ARHGAP8: variants seen among roughly 807,000 people sequenced by gnomAD.
ARHGAP8 encodes the protein Rho GTPase activating protein 8.
ARHGAP8 carries 62 observed loss-of-function variants against 46.1 expected under a neutral mutation model. That is an observed-to-expected ratio of 1.34 (90% CI 1.10 to 1.66). The LOEUF (loss-of-function observed/expected upper bound fraction) is 1.66, where lower values mean the gene tolerates loss of function less well. ARHGAP8 is among the 40% of genes most tolerant of loss of function. The pLI is 0.00. For missense variants in ARHGAP8, 923 were observed against 568.4 expected (o/e 1.62, Z -6.34); for synonymous variants, 375 against 243.1 (o/e 1.54, Z -5.05).
At chr22:44,789,630 C>T (rs916189493) in intron 2 of ARHGAP8, among the ~76,000 whole-genome samples, 6 of 152,030 alleles carry the variant, frequency 3.9e-5, no homozygotes, top group Non-Finnish European at 8.8e-5. Context: ...TCTTATGTAG[C>T]TGGGACTACA....
intron 1 of ARHGAP8, among the ~76,000 whole-genome samples, chr22:44,782,943 T>C (rs11705445): frequency 0.92 from 139,305 of 152,168 alleles, 63,910 homozygotes; most frequent in Non-Finnish European, 0.94. Flanking sequence ...AGGCCTCCAC[T>C]TGTGCAGTGA....
At chr22:44,766,572 A>G (rs1230337060) in intron 1 of ARHGAP8, among the ~76,000 whole-genome samples, 2 of 151,854 alleles carry the variant, frequency 1.3e-5, no homozygotes, top group Non-Finnish European at 2.9e-5. Context: ...GTCTGGGTGC[A>G]TGTATGTGCA....
intron 1 of ARHGAP8, among the ~76,000 whole-genome samples, chr22:44,769,511 T>G (rs1239776034): frequency 5.3e-5 from 8 of 152,248 alleles, no homozygotes; most frequent in Admixed American, 5.2e-4. Flanking sequence ...GGATTTTGAT[T>G]GGGATTGTGT....
At position 44,775,120 on chromosome 22, in the gene ARHGAP8, C is replaced by T. The variant is rs148023817; in HGVS notation, c.-71-11337C>T. ...GTGCTGGGATTATAGGCACGAGCCA[C>T]GGTGTGCAGCCTTGGGGAATATTTT... On this transcript the variant is annotated intron_variant, in intron 1 of 11. Transcript: ENST00000356099. Among the ~76,000 whole-genome samples the T allele has an allele frequency of 2.4e-3, 365 of 152,326 alleles. 1 individual carries two copies. The highest frequency in any genetic ancestry group is 8.3e-3 in the African/African-American group (345 of 41,574).
chr22:44,798,651 A>G (rs4823258), intron 2 of ARHGAP8, among the ~76,000 whole-genome samples: 41,257 of 151,626 alleles, frequency 0.27, 6,679 homozygotes, highest in African/African-American at 0.45. Flanking sequence ...CCTCAAGATC[A>G]GCGCTGCCCA....
At chr22:44,857,735 C>A (rs2070270825) in intron 10 of ARHGAP8, among the ~76,000 whole-genome samples, 1 of 152,164 alleles carries the variant, frequency 6.6e-6, no homozygotes, top group Non-Finnish European at 1.5e-5. Context: ...GTCAGAGAGT[C>A]CTCGAGGCCC....
At chr22:44,861,934 A>G (rs955026414) in intron 11 of ARHGAP8, among the ~76,000 whole-genome samples, 2 of 151,996 alleles carry the variant, frequency 1.3e-5, no homozygotes, top group Admixed American at 6.6e-5. Flanking sequence ...GAGGCCAGAG[A>G]GGTCACCAAG....
At chr22:44,858,954 T>G (rs1276270970) in intron 10 of ARHGAP8, among the ~76,000 whole-genome samples, 1 of 151,842 alleles carries the variant, frequency 6.6e-6, no homozygotes, top group East Asian at 1.9e-4. Flanking sequence ...AGCTCTGCCC[T>G]GATGAGGCAA....
intron 2 of ARHGAP8, among the ~76,000 whole-genome samples, chr22:44,796,993 C>A (rs945534318): frequency 6.6e-6 from 1 of 152,168 alleles, no homozygotes; most frequent in Non-Finnish European, 1.5e-5. Context: ...AGGGCTCCCA[C>A]GGTTCTTGTG....
rs548683122 is a variant in ARHGAP8, at chr22:44,862,302, A to C, written c.1009A>C (p.Met337Leu). Residue 337 changes from methionine (M) to leucine (L), a missense_variant, in exon 12 of 12, where the codon ATG becomes CTG. Physicochemically the swap from Met to Leu is conservative, Grantham distance 15. Coordinates refer to ENST00000356099, the MANE Select transcript of ARHGAP8 (RefSeq NM_181335.3). The stretch of plus-strand genomic sequence containing the variant: ...GTCCCGGGAGAGCATCTTCAACAAA[A>C]TGAACAGCTCTAACCTGGCCTGTGT... ...AVSRESIFNK[M>L]NSSNLACVFG... 1 of 1,599,526 alleles carries C rather than the reference A, an allele frequency of 6.3e-7. No homozygotes were observed. The highest frequency in any genetic ancestry group is 1.1e-5 in the South Asian group (1 of 90,542).
chr22:44,807,744 TG>T (rs1254890738), intron 3 of ARHGAP8, among the ~76,000 whole-genome samples: 1 of 152,184 alleles, frequency 6.6e-6, no homozygotes, highest in East Asian at 1.9e-4. Context: ...CCGTGCTCCC[TG>T]GGAAGGGAGA....
rs770913517 is a variant in ARHGAP8 at position 44,862,608 on chromosome 22, T to C, written c.*13T>C. ...AAGACGTCTCTAGTGTTGCGAACAC[T>C]CTGTATATTTCGAGCTACCTCCCAC... On this transcript the variant is annotated 3_prime_UTR_variant, in exon 12 of 12. Coordinates refer to ENST00000356099, the MANE Select transcript of ARHGAP8 (RefSeq NM_181335.3). The C allele has an allele frequency of 1.3e-6, 2 of 1,532,058 alleles. No homozygotes were observed. The highest frequency in any genetic ancestry group is 1.3e-5 in the South Asian group (1 of 78,550). 94.9% of individuals were successfully genotyped at this position (1,532,058 alleles called of 1,614,324 possible).
chr22:44,755,984 G>T (rs1049536674), intron 1 of ARHGAP8, among the ~76,000 whole-genome samples: 1 of 152,186 alleles, frequency 6.6e-6, no homozygotes, highest in Admixed American at 6.5e-5. Flanking sequence ...CATGAGAAGC[G>T]CAGGTGTTCC....
intron 7 of ARHGAP8, among the ~76,000 whole-genome samples, chr22:44,828,437 TTTTTTTTTTTTTTGAGACAA>T (rs1930690800): frequency 6.6e-6 from 1 of 150,688 alleles, no homozygotes. Flanking sequence ...TTTTTTTTTT[TTTTTTTTTTTTTTGAGACAA>T]TTTTTTTTTT....
chr22:44,851,748 G>C (rs1467404605), intron 10 of ARHGAP8, among the ~76,000 whole-genome samples: 1 of 152,082 alleles, frequency 6.6e-6, no homozygotes, highest in Non-Finnish European at 1.5e-5. Context: ...GCTGAGGTGG[G>C]AGATCACCTG....
intron 8 of ARHGAP8, among the ~76,000 whole-genome samples, chr22:44,846,308 G>T (rs2069954122): frequency 6.6e-6 from 1 of 152,236 alleles, no homozygotes; most frequent in Non-Finnish European, 1.5e-5. Flanking sequence ...CCTCTTTGGA[G>T]CAGGCCAGGT....
intron 3 of ARHGAP8, among the ~76,000 whole-genome samples, chr22:44,805,487 CT>C (rs1569154255): frequency 2.0e-5 from 3 of 152,226 alleles, no homozygotes; most frequent in South Asian, 4.1e-4. Context: ...AAAAGCACCC[CT>C]GACAACAAAT....
At chr22:44,769,975 G>C (rs1925874651) in intron 1 of ARHGAP8, among the ~76,000 whole-genome samples, 1 of 152,190 alleles carries the variant, frequency 6.6e-6, no homozygotes, top group African/African-American at 2.4e-5. Flanking sequence ...GATTGGCGCA[G>C]TGGCTCAAGC....
intron 1 of ARHGAP8, among the ~76,000 whole-genome samples, 179 bp from the exon 2 acceptor site, chr22:44,786,276 GCA>G: frequency 6.6e-6 from 1 of 151,650 alleles, no homozygotes; most frequent in Admixed American, 6.6e-5. Context: ...CTCGGCTGAG[GCA>G]GGGCGCCTAG....
Sources: gnomAD v4.1 joint callset for allele counts (sites outside exome capture counted in the v4.1 genomes callset) on GRCh38, gnomAD v4.1.1 for gene constraint, MANE v1.5 for transcripts, NCBI Gene and HGNC (gene_info 2026-07-23, HGNC 2026-07-21) for gene names.